ASPG: variants seen among roughly 807,000 people sequenced by gnomAD.
ASPG encodes the protein asparaginase.
In ASPG, 53 loss-of-function variants were observed where a neutral mutation model predicts 63.2. The ratio of observed to expected loss-of-function variants is 0.84; its 90% CI spans 0.67 to 1.05. The LOEUF (loss-of-function observed/expected upper bound fraction) is 1.05, where lower values mean the gene tolerates loss of function less well. ASPG is among the 50% of genes least tolerant of loss of function. The pLI is 0.00. For missense variants in ASPG, 741 were observed against 794.4 expected, an observed-to-expected ratio of 0.93 and a Z score of 0.81; for synonymous variants, 370 against 355.0, an observed-to-expected ratio of 1.04 and a Z score of -0.48.
chr14:104,086,972 A>T (rs1482562134), intron 1 of ASPG, among the ~76,000 whole-genome samples: 2 of 35,918 alleles, frequency 5.6e-5, no homozygotes, highest in South Asian at 1.1e-3. Context: ...TCCTATCCCC[A>T]CCCCCTCTCA....
chr14:104,110,481 C>T lies in ASPG; in HGVS notation c.1521-1021C>T. On this transcript the variant is annotated intron_variant, in intron 13 of 15. Coordinates refer to ENST00000551177, the MANE Select transcript of ASPG (RefSeq NM_001080464.3). This position sits in a 1 kb window ranked among gnomAD's most constrained non-coding sequence, Gnocchi z 4.7. The stretch of plus-strand genomic sequence containing the variant: ...GTCCTGTGGGAGCTGGGACCAGAAC[C>T]CTGGTCCAGGACTCTGCTTGGAAGT... 1.0e-6 allele frequency: 1 copy of T among 985,150 alleles called. No individual in the cohort carries two copies. The highest frequency in any genetic ancestry group is 1.2e-6 in the Non-Finnish European group (1 of 829,722). 61.0% of individuals were successfully genotyped at this position (985,150 alleles called of 1,614,324 possible).
At chr14:104,098,779 G>A in intron 5 of ASPG, 74 bp from the exon 6 acceptor site, 1 of 1,575,780 alleles carries the variant, frequency 6.3e-7, no homozygotes, top group East Asian at 2.3e-5. Flanking sequence ...TTGATGGCAG[G>A]GAGGAAGCTG....
chr14:104,097,995 C>CTGTGTTAGAGA (rs2036686717), intron 5 of ASPG, among the ~76,000 whole-genome samples: 1 of 116,004 alleles, frequency 8.6e-6, no homozygotes, highest in Non-Finnish European at 1.7e-5. Flanking sequence ...TATGGAGGTT[C>CTGTGTTAGAGA]TGCGTTAGAG....
intron 2 of ASPG, 157 bp downstream of exon 2, chr14:104,092,898 C>A: frequency 1.6e-6 from 1 of 633,612 alleles, no homozygotes; most frequent in Non-Finnish European, 2.7e-6. Flanking sequence ...GACCAGCAGT[C>A]GCCTTCCACC....
intron 6 of ASPG, among the ~76,000 whole-genome samples, chr14:104,101,985 C>G (rs1341644905): frequency 6.6e-6 from 1 of 152,192 alleles, no homozygotes; most frequent in Non-Finnish European, 1.5e-5. Context: ...TCTAGCAGGC[C>G]TGGGCAGGAA....
At chr14:104,097,679 G>T (rs1312193037) in intron 5 of ASPG, 42 bp downstream of exon 5, 5 of 1,539,828 alleles carry the variant, frequency 3.2e-6, no homozygotes, top group Middle Eastern at 2.1e-4. Flanking sequence ...GGTGGGGTGG[G>T]GGCAGGAGCC....
rs1361166213 is a variant in ASPG, at chr14:104,095,629, G to C, written c.402G>C (p.Gln134His). 6.2e-7 allele frequency: 1 copy of C among 1,612,974 alleles called. No homozygotes were observed. Among genetic ancestry groups the C allele is most frequent in the East Asian group, 2.2e-5 (1 of 44,872 alleles). ...SMLSFMLENL[Q>H]KTVILTGAQV... ...TGTCCTTCATGCTGGAGAACCTGCA[G>C]AAGACTGTCATCCTCACTGGGGCCC... The change falls in exon 4 of 16, where the codon CAG (glutamine) becomes CAC (histidine). Residue 134 changes from glutamine (Q) to histidine (H), a missense_variant. Transcript: ENST00000551177.
Position 104,099,020 on chromosome 14 carries a change from T to C in ASPG, c.640+41T>C, listed in dbSNP as rs756130140. ...GCAGGGCCAGGTGCCTGCCCAGTGC[T>C]GGTGCTGGGCGAGGGGCTGCTGCAG... is the stretch of plus-strand genomic sequence containing the variant. On this transcript the variant is annotated intron_variant, in intron 6 of 15. Transcript: ENST00000551177. 2.1e-5 allele frequency: 33 copies of C among 1,544,366 alleles called. No individual in the cohort carries two copies. The Admixed American group carries it at 5.6e-4, about 26-fold the overall frequency.
chr14:104,107,426 C>T (rs919293202), intron 12 of ASPG, 81 bp downstream of exon 12: 26 of 1,284,356 alleles, frequency 2.0e-5, no homozygotes, highest in Admixed American at 3.7e-5. Flanking sequence ...CAAACAGCCT[C>T]CCGGGGCTGG....
chr14:104,096,345 C>T (rs116621925), intron 4 of ASPG, among the ~76,000 whole-genome samples: 172 of 152,266 alleles, frequency 1.1e-3, no homozygotes, highest in African/African-American at 4.0e-3. Context: ...TACCTGTGTC[C>T]CTTTGAGCTT....
In ASPG at chr14:104,088,538, C is replaced by T. The variant is rs926161491; in HGVS notation, c.82+2686C>T. Among the ~76,000 whole-genome samples, 11 of 152,220 alleles carry T rather than the reference C, an allele frequency of 7.2e-5. No individual in the cohort carries two copies. In the East Asian group the frequency reaches 2.1e-3, roughly 29 times the overall value. ...CTGCTTGCCGGCCTGTCCCAAAGTCCCTCCTGAGCCCGGCTCCTTGCAGGC... is the reference window on the plus strand; with the variant it reads ...CTGCTTGCCGGCCTGTCCCAAAGTCTCTCCTGAGCCCGGCTCCTTGCAGGC... On this transcript the variant is annotated intron_variant, in intron 1 of 15. Transcript: ENST00000551177.
chr14:104,104,763 C>A (rs545301761), intron 9 of ASPG, 28 bp downstream of exon 9: 7 of 1,549,818 alleles, frequency 4.5e-6, no homozygotes, highest in African/African-American at 4.1e-5. Context: ...CTGTGGGCAA[C>A]CCTCGGTGTG....
chr14:104,089,512 C>T (rs1341488203), intron 1 of ASPG, among the ~76,000 whole-genome samples: 2 of 151,926 alleles, frequency 1.3e-5, no homozygotes, highest in Non-Finnish European at 2.9e-5. Flanking sequence ...GAGTGAGACC[C>T]TGTCTCAAAC....
In ASPG at chr14:104,085,830, T is replaced by C. The variant is rs989689511; in HGVS notation, c.60T>C (p.Ile20=). 1.3e-6 allele frequency: 2 copies of C among 1,590,452 alleles called. No homozygotes were observed. Among genetic ancestry groups the C allele is most frequent in the Non-Finnish European group, 1.7e-6 (2 of 1,174,270 alleles). Residue 20 remains isoleucine, a synonymous_variant, in exon 1 of 16, where the codon ATT becomes ATC. Coordinates refer to ENST00000551177, the MANE Select transcript of ASPG (RefSeq NM_001080464.3). ...TGGCCGTCTACACCGGCGGCACCAT[T>C]GGCATGCGGAGTGAGCTCGGCGGTG... is the stretch of plus-strand genomic sequence containing the variant. ...RLLAVYTGGT[I]GMRSELGVLV... is the part of the protein sequence containing the mutation.
At position 104,109,252 on chromosome 14, in the gene ASPG, T is replaced by C; in HGVS notation, c.1457T>C (p.Leu486Pro). Reference protein sequence around the residue: ...RGRHPGVIGLLREAGASLSTQ... With the variant: ...RGRHPGVIGLPREAGASLSTQ... ...AGGCATCCGGGTGTCATTGGGTTGC[T>C]GCGGGAAGCCGGGGCCTCCCTGTCC... The change falls in exon 13 of 16, where the codon CTG becomes CCG. Residue 486 changes from leucine (L) to proline (P), a missense_variant. Leu to Pro is a moderately conservative substitution (Grantham distance 98, BLOSUM62 -3). Transcript: ENST00000551177. The surrounding 1 kb of genome is among the most constrained non-coding windows in gnomAD (Gnocchi z 4.8). The C allele has an allele frequency of 1.2e-6, 2 of 1,613,344 alleles. No individual in the cohort carries two copies. The highest frequency in any genetic ancestry group is 1.1e-5 in the South Asian group (1 of 90,936).
At chr14:104,088,863 C>G (rs2036289725) in intron 1 of ASPG, among the ~76,000 whole-genome samples, 1 of 152,118 alleles carries the variant, frequency 6.6e-6, no homozygotes, top group Non-Finnish European at 1.5e-5. Context: ...CCAGCAAACT[C>G]AGGCACCTGC....
At chr14:104,098,808 G>C (rs1285485459) in intron 5 of ASPG, 45 bp from the exon 6 acceptor site, 2 of 1,599,320 alleles carry the variant, frequency 1.3e-6, no homozygotes, top group East Asian at 2.2e-5. Context: ...ATGGGTCGGG[G>C]ACAGGGTGGC....
intron 10 of ASPG, 57 bp from the exon 11 acceptor site, chr14:104,106,742 G>A: frequency 6.8e-7 from 1 of 1,477,498 alleles, no homozygotes; most frequent in Non-Finnish European, 9.2e-7. Flanking sequence ...GGGACTGCCA[G>A]TTCCACCAGA....
chr14:104,097,010 C>T (rs2036624234), intron 4 of ASPG, among the ~76,000 whole-genome samples: 1 of 152,234 alleles, frequency 6.6e-6, no homozygotes, highest in South Asian at 2.1e-4. Context: ...CTGTACTGTG[C>T]CTGGCATCCC....
Sources: gnomAD v4.1 joint callset for allele counts (sites outside exome capture counted in the v4.1 genomes callset) on GRCh38, gnomAD v4.1.1 for gene constraint, Gnocchi (gnomAD v3.1) non-coding constraint, MANE v1.5 for transcripts, NCBI Gene and HGNC (gene_info 2026-07-23, HGNC 2026-07-21) for gene names.